The following DST variants were observed in gnomAD, a reference collection of about 807,000 sequenced individuals.
DST encodes the protein bullous pemphigoid antigen.
A neutral mutation model predicts 875.2 loss-of-function variants in DST; 253 were observed. The observed-to-expected ratio is 0.29, with a 90% CI of 0.26 to 0.32. DST has a LOEUF of 0.32. DST is among the 10% of genes least tolerant of loss of function. The probability of loss-of-function intolerance (pLI) is 1.00; values close to 1 mark genes in which losing one functional copy is unlikely to be tolerated. For synonymous variants in DST, 3,124 were observed against 3,197.1 expected, an observed-to-expected ratio of 0.98 and a Z score of 0.77; for missense variants, 8,287 against 9,111.6, an observed-to-expected ratio of 0.91 and a Z score of 3.68.
intron 73 of DST, 147 bp from the exon 74 acceptor site, chr6:56,510,020 C>T (rs1562461773): frequency 1.5e-6 from 1 of 647,232 alleles, no homozygotes; most frequent in Non-Finnish European, 2.6e-6. Context: ...TCAAAAGTTA[C>T]ATCCACCTGG....
chr6:56,610,384 T>C, intron 39 of DST, 43 bp downstream of exon 39: 1 of 1,461,586 alleles, frequency 6.8e-7, no homozygotes, highest in Non-Finnish European at 9.2e-7. Flanking sequence ...GCAATCAAAC[T>C]AAGCTTCTTG....
chr6:56,914,902 C>A (rs1800224506), intron 2 of DST, among the ~76,000 whole-genome samples: 1 of 152,212 alleles, frequency 6.6e-6, no homozygotes, highest in South Asian at 2.1e-4. Flanking sequence ...AAACAAGCTC[C>A]ATTCAAAGCT....
intron 4 of DST, among the ~76,000 whole-genome samples, chr6:56,821,341 C>T (rs545844559): frequency 1.6e-4 from 25 of 152,310 alleles, no homozygotes; most frequent in African/African-American, 6.0e-4. Flanking sequence ...AATGTTTACA[C>T]AGCACAGAAT....
At chr6:56,518,714 C>A (rs2152492116) in intron 69 of DST, among the ~76,000 whole-genome samples, 1 of 152,226 alleles carries the variant, frequency 6.6e-6, no homozygotes, top group African/African-American at 2.4e-5. Context: ...ATAAAATGGG[C>A]CTGTGACACC....
chr6:56,604,588 A>T lies in DST; in HGVS notation c.10040T>A (p.Leu3347Ter). The change falls in exon 40 of 104, where the codon TTG (leucine) becomes TAG (stop). Residue 3347 changes from leucine to a stop codon, truncating the protein, a stop_gained. Coordinates refer to ENST00000680361, the MANE Select transcript of DST (RefSeq NM_001374736.1). LOFTEE classifies it high-confidence loss of function. ...TACATCCTCCACAAATACCTGAGAC[A>T]ATTCAGGAATCTGAACCTCCTTTTC... ...SQEKEVQIPE[L>*]SQVFVEDVKD... 2 of 1,611,934 alleles carry T rather than the reference A, an allele frequency of 1.2e-6. No individual in the cohort carries two copies. Among genetic ancestry groups the T allele is most frequent in the Non-Finnish European group, 1.7e-6 (2 of 1,179,028 alleles).
chr6:56,617,272 GC>G, intron 36 of DST: 1 of 1,612,824 alleles, frequency 6.2e-7, no homozygotes, highest in Non-Finnish European at 8.5e-7. Flanking sequence ...CTGGTTCTAA[GC>G]CCTTCTTAAG....
chr6:56,921,036 G>A (rs62411422), intron 2 of DST, among the ~76,000 whole-genome samples: 7,803 of 149,370 alleles, frequency 0.052, 333 homozygotes, highest in East Asian at 0.17. Context: ...GAGCCACCAC[G>A]CCCAATAGAG....
At chr6:56,749,020 A>C (rs1347363896) in intron 4 of DST, among the ~76,000 whole-genome samples, 1 of 152,236 alleles carries the variant, frequency 6.6e-6, no homozygotes, top group African/African-American at 2.4e-5. Flanking sequence ...AAAAAGGTAC[A>C]GAGAAATTTT....
chr6:56,763,242 T>C (rs1400583640), intron 4 of DST, among the ~76,000 whole-genome samples: 3 of 152,194 alleles, frequency 2.0e-5, no homozygotes, highest in Admixed American at 1.3e-4. Context: ...CCTTACATAT[T>C]TCAGGCAGGT....
intron 78 of DST, among the ~76,000 whole-genome samples, chr6:56,502,800 T>C (rs2096179515): frequency 1.3e-5 from 2 of 152,144 alleles, no homozygotes; most frequent in South Asian, 4.1e-4. Flanking sequence ...AAATATTCTA[T>C]GTCACACTTA....
intron 5 of DST, among the ~76,000 whole-genome samples, chr6:56,721,702 T>C (rs951462908): frequency 2.0e-5 from 3 of 152,212 alleles, no homozygotes; most frequent in Non-Finnish European, 4.4e-5. Context: ...GGAAAGCTCA[T>C]TCACAAAAGC....
At chr6:56,858,037 G>C (rs1015626021) in intron 3 of DST, among the ~76,000 whole-genome samples, 6 of 152,196 alleles carry the variant, frequency 3.9e-5, no homozygotes, top group Non-Finnish European at 7.3e-5. Flanking sequence ...CAAATAAACA[G>C]CTCTCAGTTA....
At chr6:56,886,798 A>T (rs1360228075) in intron 3 of DST, among the ~76,000 whole-genome samples, 1 of 150,574 alleles carries the variant, frequency 6.6e-6, no homozygotes, top group Non-Finnish European at 1.5e-5. Context: ...AAAAAAAAAA[A>T]TTCCTGAAAC....
chr6:56,634,371 C>T lies in DST; in HGVS notation c.3494+91G>A, dbSNP rs2098808224. The T allele has an allele frequency of 4.4e-6, 7 of 1,606,168 alleles. No homozygotes were observed. In the South Asian group the frequency reaches 5.5e-5, roughly 13 times the overall value. ...CGGATGAGTTCTAGAGACTTTTGATCCTGTGGGGCCTTGACAAAGTATTGA... is the reference window on the plus strand; with the variant it reads ...CGGATGAGTTCTAGAGACTTTTGATTCTGTGGGGCCTTGACAAAGTATTGA... On this transcript the variant is annotated intron_variant, in intron 26 of 103. Coordinates refer to ENST00000680361, the MANE Select transcript of DST (RefSeq NM_001374736.1).
intron 4 of DST, among the ~76,000 whole-genome samples, chr6:56,752,507 G>A (rs144271482): frequency 9.7e-4 from 148 of 152,094 alleles, no homozygotes; most frequent in African/African-American, 3.5e-3. Context: ...ACTCCCACAG[G>A]CAACCTGATT....
At chr6:56,819,596 T>C (rs1339140017) in intron 4 of DST, among the ~76,000 whole-genome samples, 1 of 152,204 alleles carries the variant, frequency 6.6e-6, no homozygotes, top group Non-Finnish European at 1.5e-5. Flanking sequence ...AGAAACACTT[T>C]CTTTAAAAAT....
intron 4 of DST, among the ~76,000 whole-genome samples, chr6:56,841,575 C>T (rs948746265): frequency 2.6e-5 from 4 of 152,196 alleles, no homozygotes; most frequent in Non-Finnish European, 5.9e-5. Context: ...CACCTGAAAT[C>T]ACCCACGTGT....
intron 2 of DST, among the ~76,000 whole-genome samples, chr6:56,924,038 C>T (rs1282336755): frequency 3.9e-5 from 6 of 152,078 alleles, no homozygotes; most frequent in Non-Finnish European, 8.8e-5. Context: ...GCAATTGAAT[C>T]GCTTGAGCCT....
chr6:56,695,285 T>C (rs1012347551), intron 9 of DST, among the ~76,000 whole-genome samples: 9 of 152,110 alleles, frequency 5.9e-5, no homozygotes, highest in South Asian at 2.1e-4. Context: ...CAGAAGCAGA[T>C]GCCAGGACTA....
Sources: allele counts gnomAD v4.1 joint callset (sites outside exome capture counted in the v4.1 genomes callset), GRCh38; gene constraint gnomAD v4.1.1; transcripts MANE v1.5; gene names NCBI Gene and HGNC (gene_info 2026-07-23, HGNC 2026-07-21).